The following PNPLA3 variants were observed in gnomAD, a reference collection of about 807,000 sequenced individuals.
The protein encoded by PNPLA3 is 1-acylglycerol-3-phosphate O-acyltransferase PNPLA3.
In PNPLA3, 42 loss-of-function variants were observed where a neutral mutation model predicts 43.1. The ratio of observed to expected loss-of-function variants is 0.97; its 90% confidence interval spans 0.76 to 1.26. PNPLA3 has a LOEUF of 1.26. Ranked by LOEUF, PNPLA3 falls within the 50% of genes most tolerant of loss-of-function variation. PNPLA3 has a pLI of 0.00. For missense variants in PNPLA3, 647 were observed against 621.4 expected, an observed-to-expected ratio of 1.04 and a Z score of -0.44; for synonymous variants, 272 against 253.6, an observed-to-expected ratio of 1.07 and a Z score of -0.69.
chr22:43,936,787 G>A (rs988913859), intron 5 of PNPLA3, among the ~76,000 whole-genome samples: 38 of 152,148 alleles, frequency 2.5e-4, no homozygotes, highest in Admixed American at 9.2e-4. Flanking sequence ...ACTAACCCTC[G>A]CCTTTGCACC....
intron 7 of PNPLA3, among the ~76,000 whole-genome samples, chr22:43,944,454 T>C (rs1402566169): frequency 6.6e-6 from 1 of 151,054 alleles, no homozygotes; most frequent in Admixed American, 6.6e-5. Context: ...AGCCAAGGTG[T>C]TTTTTTTTCC....
chr22:43,944,542 G>T (rs1433529020), intron 7 of PNPLA3, 149 bp from the exon 8 acceptor site: 1 of 648,630 alleles, frequency 1.5e-6, no homozygotes, highest in Admixed American at 2.5e-5. Context: ...TTTCAGGTGG[G>T]CTTGTCCTTG....
chr22:43,946,259 AGCAGAGGCCACCCC>A lies in PNPLA3; in HGVS notation c.1326_1339del (p.Glu443ValfsTer14). ...CCAAGGGCTGTCCAGCAGAGACCAAAGCAGAGGCCACCCCGCGGTCCATCCTCAGGTCCAGCCTG... is the reference window on the plus strand; with the variant it reads ...CCAAGGGCTGTCCAGCAGAGACCAAAGCGGTCCATCCTCAGGTCCAGCCTG... On this transcript the variant is annotated frameshift_variant, in exon 9 of 9. Coordinates refer to ENST00000216180, the MANE Select transcript of PNPLA3 (RefSeq NM_025225.3). LOFTEE classifies it low-confidence loss of function (END_TRUNC). The A allele has an allele frequency of 1.9e-6, 3 of 1,614,174 alleles. No homozygotes were observed. The highest frequency in any genetic ancestry group is 2.5e-6 in the Non-Finnish European group (3 of 1,180,028).
intron 5 of PNPLA3, among the ~76,000 whole-genome samples, chr22:43,935,453 TGAGAAGGCACAGGTGTCAAG>T (rs2049989077): frequency 6.6e-6 from 1 of 151,712 alleles, no homozygotes. Context: ...CAGGTGCCAA[TGAGAAGGCACAGGTGTCAAG>T]GAGAAGACAC....
chr22:43,934,530 C>T lies in PNPLA3; in HGVS notation c.697-76C>T, dbSNP rs182195839. Reference sequence around the variant, plus strand: ...TTGCATGATTCTTTGGTGCTCTCTGCGGTCTTCCAATGATGCTGAAATAAA... The same window carrying T: ...TTGCATGATTCTTTGGTGCTCTCTGTGGTCTTCCAATGATGCTGAAATAAA... On this transcript the variant is annotated intron_variant, in intron 4 of 8. Coordinates refer to ENST00000216180, the MANE Select transcript of PNPLA3 (RefSeq NM_025225.3). 317 of 1,407,154 alleles carry T rather than the reference C, an allele frequency of 2.3e-4. 3 individuals carry two copies. The highest frequency in any genetic ancestry group is 4.9e-4 in the Admixed American group (29 of 59,332). The allele number at this position is 1,407,154 out of a possible 1,614,324, so 87.2% of individuals were successfully genotyped here.
At chr22:43,938,516 C>T (rs1214552853) in intron 6 of PNPLA3, among the ~76,000 whole-genome samples, 1 of 152,168 alleles carries the variant, frequency 6.6e-6, no homozygotes. Context: ...GAAGCATGCA[C>T]ATCCCATGAC....
At chr22:43,934,550 A>C (rs369053543) in intron 4 of PNPLA3, 56 bp from the exon 5 acceptor site, 12 of 1,513,768 alleles carry the variant, frequency 7.9e-6, no homozygotes, top group Non-Finnish European at 1.1e-5. Context: ...ATGATGCTGA[A>C]ATAAATGGTG....
intron 7 of PNPLA3, among the ~76,000 whole-genome samples, chr22:43,944,255 TC>T (rs1302441538): frequency 2.0e-5 from 3 of 151,826 alleles, no homozygotes; most frequent in Admixed American, 2.0e-4. Context: ...GAGGTGGGGG[TC>T]CTTTATGTGT....
intron 7 of PNPLA3, among the ~76,000 whole-genome samples, chr22:43,942,911 C>G (rs1007992037): frequency 6.6e-6 from 1 of 151,916 alleles, no homozygotes; most frequent in Non-Finnish European, 1.5e-5. Context: ...TACTATGTTG[C>G]CCAGACTTTT....
intron 7 of PNPLA3, among the ~76,000 whole-genome samples, chr22:43,944,318 C>A (rs761741541): frequency 2.0e-5 from 3 of 152,190 alleles, no homozygotes; most frequent in Admixed American, 6.5e-5. Context: ...TCCATGGTGC[C>A]TCTGCTGGGC....
In PNPLA3 at chr22:43,946,342, T is replaced by A; in HGVS notation, c.1406T>A (p.Leu469His). ...AAAGTACCTGCTGGTGCTGAGGGGCTCTCCACCTTTCCCAGTTTTTCACTA... is the reference window on the plus strand; with the variant it reads ...AAAGTACCTGCTGGTGCTGAGGGGCACTCCACCTTTCCCAGTTTTTCACTA... ...GNKVPAGAEG[L>H]STFPSFSLEK... The change falls in exon 9 of 9, where the codon CTC (leucine) becomes CAC (histidine). Residue 469 changes from leucine to histidine, a missense_variant. By Grantham distance (99) the Leu-to-His change is moderately conservative (BLOSUM62 -3). Transcript: ENST00000216180. 1 of 1,614,158 alleles carries A rather than the reference T, an allele frequency of 6.2e-7. No homozygotes were observed. Among genetic ancestry groups the A allele is most frequent in the Non-Finnish European group, 8.5e-7 (1 of 1,180,026 alleles).
rs748703016 is a variant in PNPLA3, at chr22:43,927,059, C to G, written c.312C>G (p.Ala104=). The part of the protein sequence containing the change: ...LRQGLCKCLP[A]NVHQLISGKI... ...AGGGTCTCTGCAAATGCCTCCCGGC[C>G]AATGTCCACCAGCTCATCTCCGGCA... Residue 104 remains alanine, a synonymous_variant, in exon 2 of 9, where the codon GCC becomes GCG. Coordinates refer to ENST00000216180, the MANE Select transcript of PNPLA3 (RefSeq NM_025225.3). 6.2e-7 allele frequency: 1 copy of G among 1,614,120 alleles called. No individual in the cohort carries two copies. The highest frequency in any genetic ancestry group is 8.5e-7 in the Non-Finnish European group (1 of 1,180,048).
chr22:43,937,376 A>G, intron 6 of PNPLA3, 104 bp downstream of exon 6: 3 of 1,059,930 alleles, frequency 2.8e-6, no homozygotes, highest in South Asian at 1.4e-5. Context: ...TGAGGCAACC[A>G]TGACAGGTGG....
chr22:43,940,203 A>C, intron 7 of PNPLA3, 78 bp downstream of exon 7: 1 of 1,499,380 alleles, frequency 6.7e-7, no homozygotes, highest in Non-Finnish European at 9.2e-7. Context: ...TCATGGTGGC[A>C]TGTAGTCTGG....
intron 4 of PNPLA3, among the ~76,000 whole-genome samples, chr22:43,934,128 C>A (rs1432949234): frequency 6.6e-6 from 1 of 151,766 alleles, no homozygotes; most frequent in Non-Finnish European, 1.5e-5. Flanking sequence ...ACCAGCCTGG[C>A]CAACATGGTG....
chr22:43,939,731 G>C (rs575310584), intron 6 of PNPLA3, among the ~76,000 whole-genome samples: 95 of 152,280 alleles, frequency 6.2e-4, no homozygotes, highest in African/African-American at 2.2e-3. Context: ...CAGAAGAATC[G>C]CTTGAACCCA....
chr22:43,924,107 G>A lies in PNPLA3; in HGVS notation c.187+9G>A. ...CTCCGGTATCCCGCTGGGTGCGTCTGGGGACGCTGCCCGGGCTCCACGTGC... is the reference window on the plus strand; with the variant it reads ...CTCCGGTATCCCGCTGGGTGCGTCTAGGGACGCTGCCCGGGCTCCACGTGC... On this transcript the variant is annotated intron_variant, in intron 1 of 8. Coordinates refer to ENST00000216180, the MANE Select transcript of PNPLA3 (RefSeq NM_025225.3). 6.5e-7 allele frequency: 1 copy of A among 1,534,040 alleles called. No homozygotes were observed. The highest frequency in any genetic ancestry group is 8.7e-7 in the Non-Finnish European group (1 of 1,150,258).
intron 3 of PNPLA3, among the ~76,000 whole-genome samples, chr22:43,930,552 T>C (rs993444109): frequency 3.9e-5 from 6 of 152,220 alleles, no homozygotes; most frequent in African/African-American, 1.4e-4. Flanking sequence ...AGTGATGCTC[T>C]CTGGCTCCCC....
At chr22:43,928,469 G>A (rs1022882318) in intron 2 of PNPLA3, among the ~76,000 whole-genome samples, 1 of 152,116 alleles carries the variant, frequency 6.6e-6, no homozygotes, top group African/African-American at 2.4e-5. Flanking sequence ...GCTCTCCGGT[G>A]ATGCTAATGA....
Sources: allele counts gnomAD v4.1 joint callset (sites outside exome capture counted in the v4.1 genomes callset), GRCh38; gene constraint gnomAD v4.1.1; transcripts MANE v1.5; gene names NCBI Gene and HGNC (gene_info 2026-07-23, HGNC 2026-07-21).